The following HPSE2 variants were observed in gnomAD, a reference collection of about 807,000 sequenced individuals.
HPSE2 encodes inactive heparanase-2.
Under a neutral mutation model 60.5 loss-of-function variants are expected in HPSE2, and 38 were observed. That is an observed-to-expected ratio of 0.63 (90% CI 0.48 to 0.82). HPSE2 has a LOEUF of 0.82. HPSE2 is among the 40% of genes least tolerant of loss of function. The pLI is 0.00. For missense variants in HPSE2, 713 were observed against 740.4 expected, an observed-to-expected ratio of 0.96 and a Z score of 0.43; for synonymous variants, 295 against 293.2, an observed-to-expected ratio of 1.01 and a Z score of -0.06.
intron 9 of HPSE2, among the ~76,000 whole-genome samples, chr10:98,495,710 AT>A (rs56960685): frequency 0.93 from 139,813 of 150,562 alleles, 64,953 homozygotes; most frequent in Admixed American, 0.96. Context: ...CAGCTCCAGA[AT>A]TTTTTTTTTT....
intron 2 of HPSE2, among the ~76,000 whole-genome samples, chr10:99,184,522 CAAAAAAAAAAAAA>C (rs200059066): frequency 1.5e-4 from 9 of 60,762 alleles, no homozygotes; most frequent in East Asian, 4.7e-4. Context: ...GAGACTGTCT[CAAAAAAAAAAAAA>C]AAAAAAAAAA....
chr10:98,989,824 A>T (rs982668130), intron 3 of HPSE2, among the ~76,000 whole-genome samples: 4 of 152,164 alleles, frequency 2.6e-5, no homozygotes, highest in Non-Finnish European at 5.9e-5. Flanking sequence ...TCATAATTTA[A>T]GTAGGACTCT....
At chr10:98,765,954 T>C (rs895192299) in intron 3 of HPSE2, among the ~76,000 whole-genome samples, 3 of 149,628 alleles carry the variant, frequency 2.0e-5, no homozygotes, top group African/African-American at 7.4e-5. Flanking sequence ...AGAAATAGAG[T>C]AGAAATAAAA....
intron 2 of HPSE2, among the ~76,000 whole-genome samples, chr10:99,181,979 G>A (rs1249379842): frequency 6.6e-6 from 1 of 152,146 alleles, no homozygotes; most frequent in Non-Finnish European, 1.5e-5. Context: ...AAAAGGCAGA[G>A]CCATCTGCAA....
intron 3 of HPSE2, among the ~76,000 whole-genome samples, chr10:99,141,136 A>G (rs1043149176): frequency 1.4e-4 from 22 of 152,254 alleles, no homozygotes; most frequent in Admixed American, 1.2e-3. Flanking sequence ...TCATGAGAGC[A>G]CAAAGAACAC....
At chr10:99,249,487 T>G in the HPSE2 span, among the ~76,000 whole-genome samples, 30 of 152,256 alleles carry the variant, frequency 2.0e-4, no homozygotes, top group Admixed American at 2.0e-4. Flanking sequence ...GCACCTCCAT[T>G]GTATACTGGA....
At chr10:99,274,804 C>T in the HPSE2 span, among the ~76,000 whole-genome samples, 99 of 152,248 alleles carry the variant, frequency 6.5e-4, 1 homozygote, top group East Asian at 0.017. Flanking sequence ...TTTTAAATTT[C>T]CAGAGTAAAC....
intron 9 of HPSE2, among the ~76,000 whole-genome samples, chr10:98,562,769 T>G (rs1296907289): frequency 6.6e-6 from 1 of 151,934 alleles, no homozygotes; most frequent in African/African-American, 2.4e-5. Context: ...ACAATAGATA[T>G]TCAAAAATAT....
intron 3 of HPSE2, among the ~76,000 whole-genome samples, chr10:98,925,704 C>G (rs140654142): frequency 5.9e-5 from 9 of 152,144 alleles, no homozygotes; most frequent in Admixed American, 5.2e-4. Context: ...AGAAATAGGA[C>G]ACAAATTTTT....
At chr10:98,922,182 G>C (rs1954300309) in intron 3 of HPSE2, among the ~76,000 whole-genome samples, 1 of 152,082 alleles carries the variant, frequency 6.6e-6, no homozygotes, top group Non-Finnish European at 1.5e-5. Flanking sequence ...ATTTTATACT[G>C]TTTTCAAAAT....
chr10:99,153,015 A>G (rs1016663550), intron 2 of HPSE2, among the ~76,000 whole-genome samples: 1 of 152,228 alleles, frequency 6.6e-6, no homozygotes, highest in African/African-American at 2.4e-5. Context: ...AATCGGGTCA[A>G]TCCCATCCAA....
At chr10:98,661,177 G>C (rs1197252329) in intron 6 of HPSE2, among the ~76,000 whole-genome samples, 1 of 152,184 alleles carries the variant, frequency 6.6e-6, no homozygotes, top group East Asian at 1.9e-4. Context: ...AAGGTAATGG[G>C]AAATAATTAT....
chr10:98,820,653 G>A (rs1468978825), intron 3 of HPSE2, among the ~76,000 whole-genome samples: 1 of 152,038 alleles, frequency 6.6e-6, no homozygotes, highest in Non-Finnish European at 1.5e-5. Flanking sequence ...CTTCATTTTT[G>A]TGCATGAAAA....
At chr10:98,571,190 G>T (rs1028110134) in intron 9 of HPSE2, among the ~76,000 whole-genome samples, 7 of 152,102 alleles carry the variant, frequency 4.6e-5, no homozygotes, top group Non-Finnish European at 8.8e-5. Context: ...TTGCTGCCTG[G>T]TACAATAATC....
chr10:98,960,719 TTGTTTTA>T (rs1564692693), intron 3 of HPSE2, among the ~76,000 whole-genome samples: 30 of 67,976 alleles, frequency 4.4e-4, no homozygotes, highest in African/African-American at 1.3e-3. Flanking sequence ...TTTTTTTTTT[TTGTTTTA>T]TTTTTTTTAT....
At chr10:99,002,221 G>A (rs953297650) in intron 3 of HPSE2, among the ~76,000 whole-genome samples, 3 of 151,974 alleles carry the variant, frequency 2.0e-5, no homozygotes, top group African/African-American at 7.2e-5. Flanking sequence ...ATAAGCAATT[G>A]ATCAATAAAT....
At chr10:99,242,637 C>T in the HPSE2 span, among the ~76,000 whole-genome samples, 2 of 152,312 alleles carry the variant, frequency 1.3e-5, no homozygotes, top group East Asian at 1.9e-4. Flanking sequence ...TTTATACATT[C>T]AGGTAAGTCC....
At chr10:98,798,000 A>G in intron 3 of HPSE2, among the ~76,000 whole-genome samples, 1 of 152,172 alleles carries the variant, frequency 6.6e-6, no homozygotes, top group Non-Finnish European at 1.5e-5. Flanking sequence ...GTTTATCTCA[A>G]AGAAGACTAA....
chr10:98,749,064 TG>T (rs1199151248), intron 3 of HPSE2, among the ~76,000 whole-genome samples: 5 of 152,150 alleles, frequency 3.3e-5, no homozygotes, highest in African/African-American at 7.2e-5. Context: ...AGAACCAGAT[TG>T]TTTTTTTTAA....
Sources: allele counts gnomAD v4.1 joint callset (sites outside exome capture counted in the v4.1 genomes callset), GRCh38; gene constraint gnomAD v4.1.1; transcripts MANE v1.5; gene names NCBI Gene and HGNC (gene_info 2026-07-23, HGNC 2026-07-21).